The following ALPK2 variants were observed in gnomAD, a reference collection of about 807,000 sequenced individuals.
The protein encoded by ALPK2 is alpha kinase 2.
Under a neutral mutation model 163.1 loss-of-function variants are expected in ALPK2, and 127 were observed. The observed-to-expected ratio is 0.78, with a 90% CI of 0.67 to 0.90. ALPK2 has a LOEUF of 0.90. ALPK2 is among the 40% of genes least tolerant of loss of function. ALPK2 has a pLI of 0.00. For synonymous variants in ALPK2, 953 were observed against 959.1 expected (o/e 0.99, Z 0.12); for missense variants, 2,360 against 2,589.6 (o/e 0.91, Z 1.92).
At chr18:58,513,290 T>G (rs1197273373) in intron 10 of ALPK2, among the ~76,000 whole-genome samples, 1 of 151,970 alleles carries the variant, frequency 6.6e-6, no homozygotes, top group African/African-American at 2.4e-5. Context: ...GTTTTTTGGC[T>G]GTGGAGTCCT....
At position 58,535,330 on chromosome 18, in the gene ALPK2, T is replaced by C; in HGVS notation, c.4857A>G (p.Thr1619=). Residue 1619 remains threonine (T), a synonymous_variant, in exon 5 of 13, where the codon ACA becomes ACG. Transcript: ENST00000361673. ...PCTSSPEGNV[T]DFLISHKMEE... ...CCATTTTGTGGCTTATCAAAAAGTC[T>C]GTGACATTTCCTTCAGGAGATGAAG... The C allele has an allele frequency of 2.5e-6, 4 of 1,614,208 alleles. No individual in the cohort carries two copies. Among genetic ancestry groups the C allele is most frequent in the South Asian group, 2.2e-5 (2 of 91,084 alleles).
intron 12 of ALPK2, among the ~76,000 whole-genome samples, chr18:58,494,086 C>T (rs1259905694): frequency 6.6e-6 from 1 of 152,136 alleles, no homozygotes. Context: ...GGCTTTAGAT[C>T]GGTCTGGAGT....
At chr18:58,546,962 T>C (rs557369204) in intron 4 of ALPK2, among the ~76,000 whole-genome samples, 1 of 152,320 alleles carries the variant, frequency 6.6e-6, no homozygotes, top group East Asian at 1.9e-4. Flanking sequence ...TTTTATTTGC[T>C]GTGTCTTAAA....
intron 1 of ALPK2, among the ~76,000 whole-genome samples, chr18:58,615,235 G>A (rs577083205): frequency 6.6e-6 from 1 of 152,146 alleles, no homozygotes; most frequent in Non-Finnish European, 1.5e-5. Flanking sequence ...ATGCTTTTCA[G>A]AAGCAACTGT....
chr18:58,574,280 TAA>T (rs11345187), intron 4 of ALPK2, among the ~76,000 whole-genome samples: 4 of 132,522 alleles, frequency 3.0e-5, no homozygotes, highest in Non-Finnish European at 1.6e-5. Context: ...CTGTCTCTAC[TAA>T]AAAAAAAAAA....
intron 1 of ALPK2, among the ~76,000 whole-genome samples, chr18:58,623,115 G>A (rs1265321911): frequency 6.6e-6 from 1 of 152,112 alleles, no homozygotes; most frequent in Non-Finnish European, 1.5e-5. Flanking sequence ...TGAGGACAGG[G>A]AAGTTTCGCA....
chr18:58,588,705 A>G (rs2051999483), intron 3 of ALPK2, among the ~76,000 whole-genome samples: 1 of 151,920 alleles, frequency 6.6e-6, no homozygotes. Context: ...CTGTTCCTGT[A>G]TTAGTTTGCT....
At chr18:58,600,617 C>G (rs1287696213) in intron 3 of ALPK2, 1 of 152,224 alleles carries the variant, frequency 6.6e-6, no homozygotes. Context: ...CGACACATTA[C>G]TGAAGTCACA....
At chr18:58,548,283 C>T (rs2051729856) in intron 4 of ALPK2, among the ~76,000 whole-genome samples, 1 of 151,186 alleles carries the variant, frequency 6.6e-6, no homozygotes. Flanking sequence ...TCTAGTAAGT[C>T]AGCAGGATAG....
intron 12 of ALPK2, among the ~76,000 whole-genome samples, chr18:58,482,539 G>A (rs962739262): frequency 1.3e-5 from 2 of 152,104 alleles, no homozygotes; most frequent in South Asian, 2.1e-4. Flanking sequence ...AGAAAACAAC[G>A]CAAGTTGATG....
intron 4 of ALPK2, among the ~76,000 whole-genome samples, chr18:58,558,918 G>A (rs980871271): frequency 6.6e-6 from 1 of 152,224 alleles, no homozygotes; most frequent in African/African-American, 2.4e-5. Context: ...GCCAGGGGCT[G>A]GGGGAAGAAG....
chr18:58,509,374 T>A (rs1200536483), intron 10 of ALPK2, among the ~76,000 whole-genome samples: 1 of 152,166 alleles, frequency 6.6e-6, no homozygotes, highest in East Asian at 1.9e-4. Flanking sequence ...AGCAGCATGA[T>A]TTATAATCCT....
intron 4 of ALPK2, chr18:58,556,946 A>C (rs925038893): frequency 6.6e-6 from 1 of 152,264 alleles, no homozygotes; most frequent in African/African-American, 2.4e-5. Flanking sequence ...CCTATTCCAC[A>C]TAAGATCTCC....
At position 58,579,526 on chromosome 18, in the gene ALPK2, ACTCTGCTGCTC is replaced by A; in HGVS notation, c.1239_1249del (p.Arg413SerfsTer34). On this transcript the variant is annotated frameshift_variant, in exon 4 of 13. Transcript: ENST00000361673. LOFTEE classifies it high-confidence loss of function. ...TGGGGATGAGGGACCGTGCTTGGAGACTCTGCTGCTCCTCACCCCAACTTCTTGGGGTTGTG... is the reference window on the plus strand; with the variant it reads ...TGGGGATGAGGGACCGTGCTTGGAGACTCACCCCAACTTCTTGGGGTTGTG... 6.2e-7 allele frequency: 1 copy of A among 1,613,356 alleles called. No individual in the cohort carries two copies. The highest frequency in any genetic ancestry group is 8.5e-7 in the Non-Finnish European group (1 of 1,179,890).
In ALPK2 at chr18:58,534,939, T is replaced by C; in HGVS notation, c.5248A>G (p.Lys1750Glu). The change falls in exon 5 of 13, where the codon AAG becomes GAG. Residue 1750 changes from lysine to glutamate, a missense_variant. Physicochemically the swap from Lys to Glu is moderately conservative, Grantham distance 56. Coordinates refer to ENST00000361673, the MANE Select transcript of ALPK2 (RefSeq NM_052947.4). ...ATCTTTTTAAGAAAGGCTGAGTTCT[T>C]TCTGATATTTTCCTTTTCTTCCAGT... ...LKLEEKENIR[K>E]NSAFLKKMPK... The C allele has an allele frequency of 4.3e-6, 7 of 1,614,174 alleles. No homozygotes were observed. Among genetic ancestry groups the C allele is most frequent in the Non-Finnish European group, 5.9e-6 (7 of 1,180,018 alleles).
intron 11 of ALPK2, among the ~76,000 whole-genome samples, chr18:58,499,903 C>T (rs918985388): frequency 6.6e-6 from 1 of 152,272 alleles, no homozygotes; most frequent in East Asian, 1.9e-4. Flanking sequence ...CACCTACTTC[C>T]GTGGTTCCCC....
chr18:58,565,224 A>G (rs947305057), intron 4 of ALPK2, among the ~76,000 whole-genome samples: 2 of 152,230 alleles, frequency 1.3e-5, no homozygotes, highest in Non-Finnish European at 1.5e-5. Flanking sequence ...ATGATGTCAC[A>G]TGCTTCCTTG....
chr18:58,494,616 T>C (rs1162077383), intron 12 of ALPK2, among the ~76,000 whole-genome samples: 1 of 152,128 alleles, frequency 6.6e-6, no homozygotes, highest in Non-Finnish European at 1.5e-5. Context: ...ATGGTGGTGC[T>C]GTTCCCCCAG....
At chr18:58,614,984 T>TC (rs2052157930) in intron 1 of ALPK2, among the ~76,000 whole-genome samples, 1 of 151,002 alleles carries the variant, frequency 6.6e-6, no homozygotes, top group Non-Finnish European at 1.5e-5. Context: ...ATTATGGATT[T>TC]TTTTTTTTTT....
Sources: gnomAD v4.1 joint callset for allele counts (sites outside exome capture counted in the v4.1 genomes callset) on GRCh38, gnomAD v4.1.1 for gene constraint, MANE v1.5 for transcripts, NCBI Gene and HGNC (gene_info 2026-07-23, HGNC 2026-07-21) for gene names.